The following FSTL3 variants were observed in gnomAD, a reference collection of about 807,000 sequenced individuals.
FSTL3 encodes the protein follistatin-related protein 3.
Under a neutral mutation model 28.1 loss-of-function variants are expected in FSTL3, and 21 were observed. That is an observed-to-expected ratio of 0.75 (90% CI 0.53 to 1.08). FSTL3 has a LOEUF of 1.08. Ranked by LOEUF, FSTL3 falls within the 50% of genes least tolerant of loss-of-function variation. The probability of loss-of-function intolerance (pLI) is 0.00; values close to 1 mark genes in which losing one functional copy is unlikely to be tolerated. For missense variants in FSTL3, 400 were observed against 380.9 expected (o/e 1.05, Z -0.42); for synonymous variants, 199 against 164.2 (o/e 1.21, Z -1.62).
At position 681,201 on chromosome 19, in the gene FSTL3, G is replaced by GT; in HGVS notation, c.506-132_506-131insT. On this transcript the variant is annotated intron_variant, in intron 3 of 4. Transcript: ENST00000166139. Reference sequence around the variant, plus strand: ...GAATGGAGAGGGGGGCTCACGGGGGGCGGGGGGGTGCTTGTGTCTCCTACC... The same window carrying GT: ...GAATGGAGAGGGGGGCTCACGGGGGGTCGGGGGGGTGCTTGTGTCTCCTACC... 3 of 614,548 alleles carry GT rather than the reference G, an allele frequency of 4.9e-6. No individual in the cohort carries two copies. The Admixed American group carries it at 8.9e-5, about 18-fold the overall frequency. 38.1% of individuals were successfully genotyped at this position (614,548 alleles called of 1,614,324 possible). A position where few individuals can be genotyped will look rare whatever the true frequency, so the allele number is the denominator to read the frequency against.
chr19:676,591 C>A, intron 1 of FSTL3, 65 bp downstream of exon 1: 1 of 540,190 alleles, frequency 1.9e-6, no homozygotes, highest in Non-Finnish European at 2.6e-6. Context: ...CGGAATGCGG[C>A]CGGGGGGACG....
Position 676,450 on chromosome 19 carries a change from C to T in FSTL3, c.27C>T (p.Leu9=). Residue 9 remains leucine, a synonymous_variant, in exon 1 of 5, where the codon CTC becomes CTT. Transcript: ENST00000166139. ...TGCGTCCCGGGGCGCCAGGGCCACT[C>T]TGGCCTCTGCCCTGGGGGGCCCTGG... is the stretch of plus-strand genomic sequence containing the variant. MRPGAPGP[L]WPLPWGALAW... 1.6e-6 allele frequency: 2 copies of T among 1,212,490 alleles called. No individual in the cohort carries two copies. The highest frequency in any genetic ancestry group is 2.1e-6 in the Non-Finnish European group (2 of 973,542). The allele number at this position is 1,212,490 out of a possible 1,614,324, so 75.1% of individuals were successfully genotyped here.
At chr19:680,566 G>A (rs1243788258) in intron 3 of FSTL3, 77 bp downstream of exon 3, 46 of 878,606 alleles carry the variant, frequency 5.2e-5, no homozygotes, top group Non-Finnish European at 5.7e-5. Flanking sequence ...GGCTGCTGCC[G>A]CAGTAGGCGG....
At chr19:681,157 G>A (rs2031324099) in intron 3 of FSTL3, among the ~76,000 whole-genome samples, 176 bp from the exon 4 acceptor site, 2 of 143,440 alleles carry the variant, frequency 1.4e-5, no homozygotes, top group African/African-American at 2.6e-5. Flanking sequence ...CAGGGCTTGT[G>A]GGTGGAGCCT....
chr19:681,257 TG>T, intron 3 of FSTL3, 75 bp from the exon 4 acceptor site: 1 of 1,047,332 alleles, frequency 9.5e-7, no homozygotes. Context: ...GGGTTAAGGG[TG>T]GGTCTTGGGG....
intron 2 of FSTL3, among the ~76,000 whole-genome samples, chr19:679,822 G>T (rs2031286657): frequency 6.6e-6 from 1 of 152,182 alleles, no homozygotes; most frequent in Admixed American, 6.5e-5. Context: ...GCCTCCTGGG[G>T]GAAGGTCCTG....
intron 1 of FSTL3, among the ~76,000 whole-genome samples, chr19:677,577 TG>T (rs60824203): frequency 0.091 from 2,920 of 32,186 alleles, 37 homozygotes; most frequent in Non-Finnish European, 0.13. Flanking sequence ...GGTGAGGCTG[TG>T]GGGGGGGGCA....
At chr19:681,231 G>A (rs1362744658) in intron 3 of FSTL3, 102 bp from the exon 4 acceptor site, 5 of 780,118 alleles carry the variant, frequency 6.4e-6, no homozygotes, top group East Asian at 2.7e-5. Flanking sequence ...CCTACCAGAG[G>A]GTTTTCGCAT....
Position 681,391 on chromosome 19 carries a change from C to T in FSTL3, c.564C>T (p.Gly188=). 1 of 1,593,566 alleles carries T rather than the reference C, an allele frequency of 6.3e-7. No individual in the cohort carries two copies. The highest frequency in any genetic ancestry group is 1.1e-5 in the South Asian group (1 of 90,120). The change falls in exon 4 of 5, where the codon GGC becomes GGT. Residue 188 remains glycine (G), a synonymous_variant. Coordinates refer to ENST00000166139, the MANE Select transcript of FSTL3 (RefSeq NM_005860.3). The stretch of plus-strand genomic sequence containing the variant: ...AGTCGTGCGTCGTGGACCAGACGGG[C>T]AGCGCCCACTGCGTGGTGTGTCGAG... The part of the protein sequence containing the change: ...RPQSCVVDQT[G]SAHCVVCRAA...
At chr19:678,499 G>GTTTC (rs2031257670) in intron 2 of FSTL3, among the ~76,000 whole-genome samples, 1 of 91,202 alleles carries the variant, frequency 1.1e-5, no homozygotes, top group Non-Finnish European at 2.3e-5. Flanking sequence ...GAGGATGATG[G>GTTTC]TTTTTTTTTT....
chr19:679,119 G>C (rs930143097), intron 2 of FSTL3, among the ~76,000 whole-genome samples: 2 of 152,068 alleles, frequency 1.3e-5, no homozygotes, highest in Admixed American at 6.5e-5. Flanking sequence ...CTGGCTTCTG[G>C]GAGAAGGACA....
chr19:677,326 T>A (rs1006125962), intron 1 of FSTL3, among the ~76,000 whole-genome samples: 2 of 151,110 alleles, frequency 1.3e-5, no homozygotes, highest in Middle Eastern at 6.9e-3. Context: ...CAAGTTGGAG[T>A]GAGTAAGAGG....
Position 683,087 on chromosome 19 carries a change from G to A in FSTL3, c.*1379G>A, listed in dbSNP as rs950210150. 2 of 233,094 alleles carry A rather than the reference G, an allele frequency of 8.6e-6. No homozygotes were observed. Among genetic ancestry groups the A allele is most frequent in the African/African-American group, 4.4e-5 (2 of 45,294 alleles). The allele number at this position is 233,094 out of a possible 1,614,324, so 14.4% of individuals were successfully genotyped here. ...GGTCTTGGGCCAGTTCTCCCACGACGGCTCACCCTCCCCTCCATCTGCGTT... is the reference window on the plus strand; with the variant it reads ...GGTCTTGGGCCAGTTCTCCCACGACAGCTCACCCTCCCCTCCATCTGCGTT... On this transcript the variant is annotated 3_prime_UTR_variant, in exon 5 of 5. Coordinates refer to ENST00000166139, the MANE Select transcript of FSTL3 (RefSeq NM_005860.3).
At chr19:681,171 G>A (rs1259137977) in intron 3 of FSTL3, among the ~76,000 whole-genome samples, 162 bp from the exon 4 acceptor site, 3 of 131,168 alleles carry the variant, frequency 2.3e-5, no homozygotes, top group Non-Finnish European at 5.0e-5. Context: ...GGAGCCTGAG[G>A]GGTGGAATGG....
At chr19:677,576 G>GT (rs1228802164) in intron 1 of FSTL3, among the ~76,000 whole-genome samples, 4 of 148,768 alleles carry the variant, frequency 2.7e-5, no homozygotes, top group Admixed American at 1.3e-4. Flanking sequence ...TGGTGAGGCT[G>GT]TGGGGGGGGG....
intron 3 of FSTL3, chr19:680,897 A>G: frequency 4.2e-6 from 1 of 240,226 alleles, no homozygotes; most frequent in South Asian, 7.2e-5. Flanking sequence ...GCATGGTCAG[A>G]GCGGGAGCGT....
rs142795219 is a variant in FSTL3, at chr19:681,927, C to T, written c.*219C>T. ...GTGGGATAGACCTGCGTTCCGGACA[C>T]TGAGCGCCTGATTTAGGGCCCTTCT... On this transcript the variant is annotated 3_prime_UTR_variant, in exon 5 of 5. Coordinates refer to ENST00000166139, the MANE Select transcript of FSTL3 (RefSeq NM_005860.3). 1,895 of 594,286 alleles carry T rather than the reference C, an allele frequency of 3.2e-3. 29 individuals carry two copies. Among genetic ancestry groups the T allele is most frequent in the East Asian group, 0.03 (1,080 of 35,862 alleles). 36.8% of individuals were successfully genotyped at this position (594,286 alleles called of 1,614,324 possible). A position where few individuals can be genotyped will look rare whatever the true frequency, so the allele number is the denominator to read the frequency against.
chr19:678,525 TC>T (rs71333302), intron 2 of FSTL3, among the ~76,000 whole-genome samples: 20,301 of 119,292 alleles, frequency 0.17, 5,247 homozygotes, highest in East Asian at 0.37. Context: ...TTTTTTTTTT[TC>T]CTGAGATGGA....
chr19:681,112 G>T (rs56282601), intron 3 of FSTL3, among the ~76,000 whole-genome samples: 2 of 146,644 alleles, frequency 1.4e-5, no homozygotes, highest in Non-Finnish European at 3.0e-5. Context: ...AGGAGCTCAC[G>T]AAAGAGGTGT....
Sources: allele counts gnomAD v4.1 joint callset (sites outside exome capture counted in the v4.1 genomes callset), GRCh38; gene constraint gnomAD v4.1.1; transcripts MANE v1.5; gene names NCBI Gene and HGNC (gene_info 2026-07-23, HGNC 2026-07-21).